Variants in ELAPOR2 observed in about 807,000 individuals in gnomAD.
ELAPOR2 encodes the protein endosome-lysosome associated apoptosis and autophagy regulator family member 2, also known as endosome/lysosome-associated apoptosis and autophagy regulator family member 2.
In ELAPOR2, 89 loss-of-function variants were observed where a neutral mutation model predicts 120.7. That is an observed-to-expected ratio of 0.74 (90% CI 0.62 to 0.88). The LOEUF is 0.88. Among genes scored for constraint, ELAPOR2 ranks in the 40% least tolerant of loss-of-function variants. The pLI, the probability that ELAPOR2 is intolerant of heterozygous loss-of-function variation, is 0.00. For synonymous variants in ELAPOR2, 444 were observed against 444.9 expected, an observed-to-expected ratio of 1.00 and a Z score of 0.03; for missense variants, 1,134 against 1,251.6, an observed-to-expected ratio of 0.91 and a Z score of 1.42.
intron 1 of ELAPOR2, among the ~76,000 whole-genome samples, chr7:86,991,101 A>G (rs1792930347): frequency 6.6e-6 from 1 of 152,208 alleles, no homozygotes; most frequent in African/African-American, 2.4e-5. Flanking sequence ...ATAAATGTAT[A>G]TTTATATCCA....
intron 2 of ELAPOR2, among the ~76,000 whole-genome samples, chr7:86,959,195 T>C (rs890723467): frequency 6.6e-6 from 1 of 152,210 alleles, no homozygotes; most frequent in Non-Finnish European, 1.5e-5. Flanking sequence ...ACTTTACTAG[T>C]TCTAACGGGT....
chr7:87,059,497 C>A lies in ELAPOR2; in HGVS notation c.17G>T (p.Arg6Leu). 8.3e-7 allele frequency: 1 copy of A among 1,203,590 alleles called. No individual in the cohort carries two copies. Among genetic ancestry groups the A allele is most frequent in the Non-Finnish European group, 1.0e-6 (1 of 969,038 alleles). The allele number at this position is 1,203,590 out of a possible 1,614,324, so 74.6% of individuals were successfully genotyped here. The change falls in exon 1 of 22, where the codon CGG (arginine) becomes CTG (leucine). Residue 6 changes from arginine (R) to leucine (L), a missense_variant. By Grantham distance (102) the Arg-to-Leu change is moderately radical. This residue lies in a region of ELAPOR2 where 280 missense variants were observed against 331.5 expected (regional missense o/e 0.84). Coordinates refer to ENST00000450689, the MANE Select transcript of ELAPOR2 (RefSeq NM_001142749.3). ...CCAGCCCCTGCCCCGTACCGGCCCC[C>A]GGGCGCGGAACAGCATCTTCGTCCG... MLFRARGPVRGRGWGR... is the reference protein window; with the variant it reads MLFRALGPVRGRGWGR...
intron 3 of ELAPOR2, among the ~76,000 whole-genome samples, chr7:86,946,954 G>A (rs1326208888): frequency 6.6e-6 from 1 of 152,054 alleles, no homozygotes; most frequent in East Asian, 1.9e-4. Context: ...GCATCATTTG[G>A]CAAAAAGACA....
intron 1 of ELAPOR2, among the ~76,000 whole-genome samples, chr7:87,053,308 G>T (rs1275432070): frequency 6.6e-6 from 1 of 152,140 alleles, no homozygotes; most frequent in East Asian, 1.9e-4. Flanking sequence ...TGCCTTAAAT[G>T]AAAGATAGTA....
At chr7:87,023,249 T>A (rs556651404) in intron 1 of ELAPOR2, among the ~76,000 whole-genome samples, 1 of 152,344 alleles carries the variant, frequency 6.6e-6, no homozygotes, top group South Asian at 2.1e-4. Flanking sequence ...GTATAAGGTG[T>A]AAGGAAAGGA....
intron 1 of ELAPOR2, among the ~76,000 whole-genome samples, chr7:87,045,497 C>T (rs2129016576): frequency 6.6e-6 from 1 of 151,032 alleles, no homozygotes; most frequent in South Asian, 2.1e-4. Flanking sequence ...TCTCAGTAAA[C>T]TATCGCAAGA....
intron 1 of ELAPOR2, among the ~76,000 whole-genome samples, chr7:87,026,636 A>G (rs980391623): frequency 6.6e-6 from 1 of 152,048 alleles, no homozygotes; most frequent in Non-Finnish European, 1.5e-5. Flanking sequence ...CCGTAAGCCT[A>G]TAAAGGAGTG....
At chr7:86,936,804 A>G (rs1172250879) in intron 8 of ELAPOR2, among the ~76,000 whole-genome samples, 2 of 152,108 alleles carry the variant, frequency 1.3e-5, no homozygotes, top group African/African-American at 4.8e-5. Context: ...TACTGCCATT[A>G]TACTCATGGA....
intron 1 of ELAPOR2, among the ~76,000 whole-genome samples, chr7:87,038,056 CAT>C (rs1584027621): frequency 6.6e-6 from 1 of 152,110 alleles, no homozygotes; most frequent in Non-Finnish European, 1.5e-5. Context: ...AGCTAATAAA[CAT>C]ATGAATGGCA....
chr7:87,016,828 G>A (rs934380417), intron 1 of ELAPOR2, among the ~76,000 whole-genome samples: 1 of 151,956 alleles, frequency 6.6e-6, no homozygotes, highest in Non-Finnish European at 1.5e-5. Flanking sequence ...GCAAACAGCA[G>A]CACCCAAAGT....
At chr7:87,023,669 T>C (rs2116707469) in intron 1 of ELAPOR2, among the ~76,000 whole-genome samples, 1 of 152,302 alleles carries the variant, frequency 6.6e-6, no homozygotes, top group African/African-American at 2.4e-5. Context: ...ATGGCCATTT[T>C]CATGATATTG....
intron 1 of ELAPOR2, among the ~76,000 whole-genome samples, chr7:87,019,476 CA>C (rs1562970611): frequency 6.6e-6 from 1 of 151,936 alleles, no homozygotes; most frequent in Non-Finnish European, 1.5e-5. Context: ...TTATATTTTT[CA>C]AAAATCTCTT....
intron 2 of ELAPOR2, among the ~76,000 whole-genome samples, chr7:86,949,414 G>A (rs58165485): frequency 0.018 from 2,784 of 152,316 alleles, 90 homozygotes; most frequent in African/African-American, 0.064. Flanking sequence ...TACTGTGGGG[G>A]AAGTGCGGAC....
chr7:86,891,723 C>A lies in ELAPOR2; in HGVS notation c.3030+1G>T. The A allele has an allele frequency of 6.2e-7, 1 of 1,605,688 alleles. No individual in the cohort carries two copies. The highest frequency in any genetic ancestry group is 8.5e-7 in the Non-Finnish European group (1 of 1,176,018). ...ACACCAGGTTAAAATTCTACTCTCACCTTGGTTGCCAAAGATTTGAGTTTT... is the reference window on the plus strand; with the variant it reads ...ACACCAGGTTAAAATTCTACTCTCAACTTGGTTGCCAAAGATTTGAGTTTT... On this transcript the variant is annotated splice_donor_variant, in intron 21 of 21. Coordinates refer to ENST00000450689, the MANE Select transcript of ELAPOR2 (RefSeq NM_001142749.3). LOFTEE classifies it high-confidence loss of function.
chr7:86,962,876 A>G (rs1791769961), intron 2 of ELAPOR2, among the ~76,000 whole-genome samples: 4 of 152,340 alleles, frequency 2.6e-5, no homozygotes, highest in East Asian at 1.9e-4. Context: ...GCAGCCAAAC[A>G]CTAATGAGTA....
intron 1 of ELAPOR2, among the ~76,000 whole-genome samples, chr7:87,045,392 A>T (rs916100788): frequency 6.6e-6 from 1 of 150,686 alleles, no homozygotes; most frequent in Non-Finnish European, 1.5e-5. Context: ...GATTAAGAAA[A>T]TGTGGCACAT....
At chr7:86,918,323 CAAAAA>C (rs370415220) in intron 12 of ELAPOR2, 114 bp downstream of exon 12, 5,140 of 172,890 alleles carry the variant, frequency 0.03, 109 homozygotes, top group African/African-American at 0.21. Context: ...CTAAGAATAG[CAAAAA>C]AAAAAAAAAA....
chr7:86,926,994 G>A (rs754102430), intron 8 of ELAPOR2, 78 bp from the exon 9 acceptor site: 104 of 1,321,516 alleles, frequency 7.9e-5, no homozygotes, highest in Non-Finnish European at 1.0e-4. Flanking sequence ...TGGCAGTATA[G>A]GAAAAGTACA....
chr7:86,904,334 C>T (rs1324181569), intron 18 of ELAPOR2, among the ~76,000 whole-genome samples: 6 of 152,202 alleles, frequency 3.9e-5, no homozygotes, highest in Non-Finnish European at 8.8e-5. Flanking sequence ...TTCAGTTCCT[C>T]TATCTCCCTG....
Sources: gnomAD v4.1 joint callset for allele counts (sites outside exome capture counted in the v4.1 genomes callset) on GRCh38, gnomAD v4.1.1 for gene constraint, gnomAD v4.1.1 regional missense constraint, MANE v1.5 for transcripts, NCBI Gene and HGNC (gene_info 2026-07-23, HGNC 2026-07-21) for gene names.